Variants in RASA1 observed in about 807,000 individuals in gnomAD.
The protein encoded by RASA1 is ras GTPase-activating protein 1.
A neutral mutation model predicts 132.2 loss-of-function variants in RASA1; 25 were observed. The observed-to-expected ratio is 0.19, with a 90% confidence interval of 0.14 to 0.26. The LOEUF is 0.26. RASA1 is among the 10% of genes least tolerant of loss of function. The pLI, the probability that RASA1 is intolerant of heterozygous loss-of-function variation, is 1.00. For synonymous variants in RASA1, 477 were observed against 449.9 expected (o/e 1.06, Z -0.76); for missense variants, 964 against 1,299.2 (o/e 0.74, Z 3.97).
At chr5:87,382,079 A>G (rs1561327044) in intron 20 of RASA1, among the ~76,000 whole-genome samples, 2 of 152,042 alleles carry the variant, frequency 1.3e-5, no homozygotes, top group Non-Finnish European at 2.9e-5. Context: ...TCATCCACCC[A>G]AGTAGCTGGA....
intron 9 of RASA1, among the ~76,000 whole-genome samples, chr5:87,360,799 CATG>C (rs1397334230): frequency 6.6e-6 from 1 of 152,246 alleles, no homozygotes; most frequent in Non-Finnish European, 1.5e-5. Flanking sequence ...ATTCTGCCAT[CATG>C]ATAAGAGTCT....
intron 11 of RASA1, among the ~76,000 whole-genome samples, chr5:87,368,429 T>C (rs1436378481): frequency 6.6e-6 from 1 of 152,210 alleles, no homozygotes; most frequent in Non-Finnish European, 1.5e-5. Context: ...CTTTCTGGTT[T>C]TTCATCTTAA....
chr5:87,268,347 A>T lies in RASA1; in HGVS notation c.-105A>T, dbSNP rs528443137. The stretch of plus-strand genomic sequence containing the variant: ...TTGTTGTTGTTTCCTCAGCCTGGGG[A>T]GCTGAAGGGGAGACGCGTCTGGGTG... On this transcript the variant is annotated 5_prime_UTR_variant, in exon 1 of 25. Coordinates refer to ENST00000274376, the MANE Select transcript of RASA1 (RefSeq NM_002890.3). 201 of 1,316,688 alleles carry T rather than the reference A, an allele frequency of 1.5e-4. No homozygotes were observed. The highest frequency in any genetic ancestry group is 1.9e-4 in the Non-Finnish European group (189 of 992,454). 81.6% of individuals were successfully genotyped at this position (1,316,688 alleles called of 1,614,324 possible).
chr5:87,331,317 T>A, intron 1 of RASA1, 31 bp from the exon 2 acceptor site: 1 of 1,567,238 alleles, frequency 6.4e-7, no homozygotes, highest in South Asian at 1.1e-5. Context: ...TTGCTATTTA[T>A]ATTGTAATAT....
chr5:87,320,486 C>G (rs1205118592), intron 1 of RASA1, among the ~76,000 whole-genome samples: 2 of 152,186 alleles, frequency 1.3e-5, no homozygotes, highest in African/African-American at 4.8e-5. Flanking sequence ...CCTCAGAAGA[C>G]TTACAATCAT....
intron 1 of RASA1, among the ~76,000 whole-genome samples, chr5:87,310,256 T>C (rs185748863): frequency 6.6e-6 from 1 of 152,014 alleles, no homozygotes; most frequent in East Asian, 1.9e-4. Flanking sequence ...ATAAGGAATT[T>C]TAAAAAAGAA....
chr5:87,374,335 A>G lies in RASA1; in HGVS notation c.1934+15A>G, dbSNP rs1761161481. The G allele has an allele frequency of 6.3e-7, 1 of 1,593,618 alleles. No individual in the cohort carries two copies. Among genetic ancestry groups the G allele is most frequent in the Non-Finnish European group, 8.6e-7 (1 of 1,166,942 alleles). On this transcript the variant is annotated intron_variant, in intron 14 of 24. Coordinates refer to ENST00000274376, the MANE Select transcript of RASA1 (RefSeq NM_002890.3). ...TTTGTCTTTGAGTAAGTCTTATTTT[A>G]TCATTACATTAATCATTTTCTTTTA...
At position 87,332,624 on chromosome 5, in the gene RASA1, C is replaced by T. The variant is rs748164164; in HGVS notation, c.810C>T (p.Tyr270=). 3.7e-6 allele frequency: 6 copies of T among 1,610,140 alleles called. No individual in the cohort carries two copies. The highest frequency in any genetic ancestry group is 1.1e-5 in the South Asian group (1 of 90,894). ...TGCTTAAAGGAGAAAAATTACTTTA[C>T]CCAGTTGCACCACCAGAGGCAAGTA... The part of the protein sequence containing the change: ...SCLLKGEKLL[Y]PVAPPEPVED... Residue 270 remains tyrosine (Y), a synonymous_variant, in exon 3 of 25, where the codon TAC becomes TAT. Transcript: ENST00000274376.
chr5:87,386,760 A>G, intron 22 of RASA1, 66 bp from the exon 23 acceptor site: 1 of 1,427,316 alleles, frequency 7.0e-7, no homozygotes, highest in Non-Finnish European at 9.9e-7. Context: ...TTACTTTTGC[A>G]CCAACCTAAT....
At chr5:87,361,667 G>A (rs946835895) in intron 9 of RASA1, among the ~76,000 whole-genome samples, 1 of 152,104 alleles carries the variant, frequency 6.6e-6, no homozygotes, top group Non-Finnish European at 1.5e-5. Flanking sequence ...AGCAATTAAT[G>A]TAAGTTCTGC....
intron 5 of RASA1, among the ~76,000 whole-genome samples, chr5:87,340,354 A>C (rs393134): frequency 1 from 152,166 of 152,190 alleles, 76,071 homozygotes; most frequent in Non-Finnish European, 1. Context: ...ATTGTGTAAA[A>C]CTCTTCTACA....
At chr5:87,280,859 C>G (rs1263531164) in intron 1 of RASA1, among the ~76,000 whole-genome samples, 2 of 151,346 alleles carry the variant, frequency 1.3e-5, no homozygotes, top group East Asian at 3.9e-4. Context: ...CCAGTTCATG[C>G]CATTCTCCTG....
chr5:87,376,833 G>A lies in RASA1; in HGVS notation c.2185-48G>A, dbSNP rs371824532. On this transcript the variant is annotated intron_variant, in intron 16 of 24. Coordinates refer to ENST00000274376, the MANE Select transcript of RASA1 (RefSeq NM_002890.3). Reference sequence around the variant, plus strand: ...ATTTCTTGTTAGTCTCATGGAGCATGCTTATAATGCTACGTACTTTAAACA... The same window carrying A: ...ATTTCTTGTTAGTCTCATGGAGCATACTTATAATGCTACGTACTTTAAACA... The A allele has an allele frequency of 3.9e-5, 60 of 1,521,548 alleles. No homozygotes were observed. The African/African-American group carries it at 7.0e-4, about 18-fold the overall frequency. The allele number at this position is 1,521,548 out of a possible 1,614,324, so 94.3% of individuals were successfully genotyped here.
intron 1 of RASA1, among the ~76,000 whole-genome samples, chr5:87,286,762 G>T (rs564713553): frequency 3.6e-4 from 54 of 151,152 alleles, no homozygotes; most frequent in African/African-American, 1.3e-3. Context: ...CTCACTAAAA[G>T]AAATAGATTT....
At chr5:87,372,251 T>C in intron 13 of RASA1, 56 bp downstream of exon 13, 2 of 1,493,246 alleles carry the variant, frequency 1.3e-6, no homozygotes, top group Admixed American at 3.4e-5. Flanking sequence ...AACACTTTGC[T>C]CTTTTTATTT....
chr5:87,355,418 C>A (rs149192414), intron 9 of RASA1, among the ~76,000 whole-genome samples: 1 of 152,274 alleles, frequency 6.6e-6, no homozygotes, highest in East Asian at 1.9e-4. Flanking sequence ...ACAAAGCCTG[C>A]ATGATAGCCC....
At chr5:87,314,932 AC>A (rs948020016) in intron 1 of RASA1, among the ~76,000 whole-genome samples, 38 of 152,106 alleles carry the variant, frequency 2.5e-4, no homozygotes, top group Admixed American at 2.4e-3. Context: ...GATAAGTGAC[AC>A]CCCCATCTTT....
rs1193125538 is a variant in RASA1 at position 87,342,301 on chromosome 5, G to A, written c.1049+980G>A. ...AGTCTCCTGAGTAGCTGGGACCACC[G>A]GCGCACAACACCATGCTAGGCTGGT... On this transcript the variant is annotated intron_variant, in intron 6 of 24. Transcript: ENST00000274376. 7.9e-5 allele frequency among the ~76,000 whole-genome samples: 12 copies of A among 151,698 alleles called. No individual in the cohort carries two copies. In the East Asian group the frequency reaches 2.1e-3, roughly 27 times the overall value.
intron 1 of RASA1, among the ~76,000 whole-genome samples, chr5:87,321,804 A>G (rs1036360050): frequency 8.5e-5 from 13 of 152,210 alleles, no homozygotes; most frequent in African/African-American, 2.4e-4. Context: ...TCATGACATC[A>G]GCACTTTCCC....
Sources: allele counts gnomAD v4.1 joint callset (sites outside exome capture counted in the v4.1 genomes callset), GRCh38; gene constraint gnomAD v4.1.1; transcripts MANE v1.5; gene names NCBI Gene and HGNC (gene_info 2026-07-23, HGNC 2026-07-21).